ARHGAP31: variants seen among roughly 807,000 people sequenced by gnomAD.
ARHGAP31 encodes the protein Rho GTPase activating protein 31.
ARHGAP31 carries 34 observed loss-of-function variants against 113.9 expected under a neutral mutation model. The observed-to-expected ratio is 0.30, with a 90% CI of 0.23 to 0.40. The LOEUF (loss-of-function observed/expected upper bound fraction) is 0.40, where lower values mean the gene tolerates loss of function less well. ARHGAP31 is among the 10% of genes least tolerant of loss of function. The probability of loss-of-function intolerance (pLI) is 1.00; values close to 1 mark genes in which losing one functional copy is unlikely to be tolerated. For synonymous variants in ARHGAP31, 650 were observed against 684.8 expected, an observed-to-expected ratio of 0.95 and a Z score of 0.79; for missense variants, 1,548 against 1,767.1, an observed-to-expected ratio of 0.88 and a Z score of 2.22.
chr3:119,381,260 C>T (rs1439859533), intron 4 of ARHGAP31, among the ~76,000 whole-genome samples: 1 of 152,182 alleles, frequency 6.6e-6, no homozygotes, highest in Non-Finnish European at 1.5e-5. Flanking sequence ...ATACTAGCCT[C>T]TTGGTGGCAT....
At chr3:119,316,325 G>C (rs1390282615) in intron 1 of ARHGAP31, among the ~76,000 whole-genome samples, 3 of 152,224 alleles carry the variant, frequency 2.0e-5, no homozygotes, top group African/African-American at 7.2e-5. Context: ...TCCCAGTGCA[G>C]TACTGAGGGA....
At chr3:119,356,138 T>C (rs2080155448) in intron 1 of ARHGAP31, among the ~76,000 whole-genome samples, 1 of 152,224 alleles carries the variant, frequency 6.6e-6, no homozygotes, top group Non-Finnish European at 1.5e-5. Context: ...AATATATTCC[T>C]ATAGTTCAAA....
At chr3:119,356,056 C>T (rs2080154787) in intron 1 of ARHGAP31, among the ~76,000 whole-genome samples, 1 of 152,200 alleles carries the variant, frequency 6.6e-6, no homozygotes, top group Non-Finnish European at 1.5e-5. Context: ...ACACTTGGTG[C>T]TAGACACAGA....
At chr3:119,403,419 C>T (rs1229430605) in intron 10 of ARHGAP31, among the ~76,000 whole-genome samples, 1 of 152,196 alleles carries the variant, frequency 6.6e-6, no homozygotes, top group African/African-American at 2.4e-5. Flanking sequence ...CACTATACCA[C>T]GCTCCCTCCT....
At chr3:119,385,203 C>T (rs946377372) in intron 6 of ARHGAP31, among the ~76,000 whole-genome samples, 1 of 151,900 alleles carries the variant, frequency 6.6e-6, no homozygotes, top group Non-Finnish European at 1.5e-5. Flanking sequence ...GCTAGGATTA[C>T]AGGTGTGAAC....
chr3:119,349,782 G>A (rs1465488663), intron 1 of ARHGAP31, among the ~76,000 whole-genome samples: 1 of 152,112 alleles, frequency 6.6e-6, no homozygotes, highest in Non-Finnish European at 1.5e-5. Flanking sequence ...GAATTTGCAG[G>A]GGAATCTCCT....
intron 1 of ARHGAP31, among the ~76,000 whole-genome samples, chr3:119,361,883 A>G (rs551277449): frequency 6.6e-6 from 1 of 152,342 alleles, no homozygotes; most frequent in East Asian, 1.9e-4. Context: ...GAAATCCAGG[A>G]AAGCTAACAC....
At position 119,380,701 on chromosome 3, in the gene ARHGAP31, T is replaced by G. The variant is rs576837610; in HGVS notation, c.349-203T>G. On this transcript the variant is annotated intron_variant, in intron 3 of 11. Transcript: ENST00000264245. ...CAGCCCACCGCCTGCTGTGCACACA[T>G]GGTGAGACCCTGCACACACATCCAG... is the stretch of plus-strand genomic sequence containing the variant. Among the ~76,000 whole-genome samples, 6 of 152,134 alleles carry G rather than the reference T, an allele frequency of 3.9e-5. No individual in the cohort carries two copies. The East Asian group carries it at 1.2e-3, about 29-fold the overall frequency.
chr3:119,336,175 C>T (rs938606765), intron 1 of ARHGAP31, among the ~76,000 whole-genome samples: 6 of 151,734 alleles, frequency 4.0e-5, no homozygotes, highest in Non-Finnish European at 8.8e-5. Context: ...AACTTGGTCT[C>T]AAAAAAACAA....
At chr3:119,401,303 A>G (rs2080604348) in intron 9 of ARHGAP31, among the ~76,000 whole-genome samples, 1 of 152,244 alleles carries the variant, frequency 6.6e-6, no homozygotes, top group Admixed American at 6.5e-5. Context: ...AGTTGTTAAT[A>G]GCATTTGTTT....
chr3:119,365,267 G>A lies in ARHGAP31; in HGVS notation c.101-49G>A, dbSNP rs116187120. ...TTAAAAGGATATCTTTAAAAGACAG[G>A]CAGACTTACATCTAATACTTAATTG... On this transcript the variant is annotated intron_variant, in intron 1 of 11. Coordinates refer to ENST00000264245, the MANE Select transcript of ARHGAP31 (RefSeq NM_020754.4). The A allele has an allele frequency of 3.2e-3, 4,705 of 1,480,920 alleles. 124 individuals carry two copies. In the African/African-American group the frequency reaches 0.052, roughly 16 times the overall value. The allele number at this position is 1,480,920 out of a possible 1,614,324, so 91.7% of individuals were successfully genotyped here.
At chr3:119,367,672 C>T (rs935425962) in intron 2 of ARHGAP31, among the ~76,000 whole-genome samples, 4 of 151,966 alleles carry the variant, frequency 2.6e-5, no homozygotes, top group South Asian at 2.1e-4. Context: ...TCCTGGCTAA[C>T]GTGGTGAAAC....
intron 6 of ARHGAP31, among the ~76,000 whole-genome samples, chr3:119,385,500 C>A (rs923599873): frequency 6.6e-6 from 1 of 151,984 alleles, no homozygotes; most frequent in Non-Finnish European, 1.5e-5. Flanking sequence ...TTTCAACTCT[C>A]CAGTTATAGA....
intron 1 of ARHGAP31, among the ~76,000 whole-genome samples, chr3:119,352,681 C>T (rs2080120217): frequency 6.6e-6 from 1 of 152,190 alleles, no homozygotes; most frequent in African/African-American, 2.4e-5. Context: ...GATGAGGAAG[C>T]TGAAGGTCTA....
intron 1 of ARHGAP31, chr3:119,298,530 G>A (rs1170075196): frequency 6.6e-6 from 1 of 152,208 alleles, no homozygotes; most frequent in Non-Finnish European, 1.5e-5. Context: ...AGACAAGTAA[G>A]AGAGAGTTAT....
At chr3:119,300,381 C>T (rs533618219) in intron 1 of ARHGAP31, among the ~76,000 whole-genome samples, 1 of 152,234 alleles carries the variant, frequency 6.6e-6, no homozygotes, top group Non-Finnish European at 1.5e-5. Context: ...GGAGCTAATC[C>T]ATCACCAAAA....
intron 11 of ARHGAP31, among the ~76,000 whole-genome samples, chr3:119,410,416 G>C (rs2080705437): frequency 6.6e-6 from 1 of 152,178 alleles, no homozygotes; most frequent in Non-Finnish European, 1.5e-5. Flanking sequence ...TGTGACCAGA[G>C]GAGGGCACCA....
At chr3:119,400,842 A>G (rs1290271001) in intron 9 of ARHGAP31, among the ~76,000 whole-genome samples, 1 of 152,138 alleles carries the variant, frequency 6.6e-6, no homozygotes, top group Admixed American at 6.5e-5. Flanking sequence ...TTTACTTCCC[A>G]CGTAGGCTTT....
At chr3:119,369,775 T>G (rs781661660) in intron 3 of ARHGAP31, among the ~76,000 whole-genome samples, 1 of 152,064 alleles carries the variant, frequency 6.6e-6, no homozygotes, top group Non-Finnish European at 1.5e-5. Context: ...TTCATTTCAG[T>G]GATGGGATTT....
Sources: allele counts gnomAD v4.1 joint callset (sites outside exome capture counted in the v4.1 genomes callset), GRCh38; gene constraint gnomAD v4.1.1; transcripts MANE v1.5; gene names NCBI Gene and HGNC (gene_info 2026-07-23, HGNC 2026-07-21).